C6orf89: variants seen among roughly 807,000 people sequenced by gnomAD.
The protein encoded by C6orf89 is bombesin receptor-activated protein C6orf89.
C6orf89 carries 29 observed loss-of-function variants against 40.7 expected under a neutral mutation model. That is an observed-to-expected ratio of 0.71 (90% CI 0.53 to 0.97). C6orf89 has a LOEUF of 0.97. C6orf89 is among the 50% of genes least tolerant of loss of function. The pLI is 0.00. For synonymous variants in C6orf89, 165 were observed against 152.2 expected (o/e 1.08, Z -0.62); for missense variants, 392 against 429.1 (o/e 0.91, Z 0.76).
intron 4 of C6orf89, among the ~76,000 whole-genome samples, chr6:36,904,658 AT>A (rs11359683): frequency 0.25 from 37,803 of 151,986 alleles, 4,997 homozygotes; most frequent in African/African-American, 0.31. Context: ...AAAATATATC[AT>A]TTTTTAATGT....
chr6:36,877,489 C>T (rs1774690879), intron 1 of C6orf89, among the ~76,000 whole-genome samples: 2 of 152,168 alleles, frequency 1.3e-5, no homozygotes, highest in African/African-American at 4.8e-5. Flanking sequence ...TGCCACCACA[C>T]CCAGCTAATT....
intron 4 of C6orf89, among the ~76,000 whole-genome samples, chr6:36,906,771 A>G (rs1362584538): frequency 2.0e-5 from 3 of 152,192 alleles, no homozygotes; most frequent in Non-Finnish European, 4.4e-5. Flanking sequence ...TGCCCGGGGT[A>G]CTAGAAGAGG....
At chr6:36,894,314 A>T (rs1761343366) in intron 1 of C6orf89, among the ~76,000 whole-genome samples, 190 bp from the exon 2 acceptor site, 1 of 152,126 alleles carries the variant, frequency 6.6e-6, no homozygotes, top group Admixed American at 6.5e-5. Flanking sequence ...TCCTCTACTG[A>T]GTTTTAATGG....
At chr6:36,921,990 T>G (rs912422003) in intron 8 of C6orf89, among the ~76,000 whole-genome samples, 1 of 152,206 alleles carries the variant, frequency 6.6e-6, no homozygotes, top group Non-Finnish European at 1.5e-5. Context: ...ACTGCACCGC[T>G]GCACTCCAGC....
chr6:36,894,279 C>T (rs560375148), intron 1 of C6orf89, among the ~76,000 whole-genome samples: 2 of 152,176 alleles, frequency 1.3e-5, no homozygotes, highest in African/African-American at 2.4e-5. Context: ...TTCTAGCAGT[C>T]CTTTCTGGAT....
intron 4 of C6orf89, among the ~76,000 whole-genome samples, chr6:36,910,160 T>C (rs1762074762): frequency 6.6e-6 from 1 of 152,020 alleles, no homozygotes; most frequent in African/African-American, 2.4e-5. Context: ...AGGATCTCAC[T>C]GTGTTCCCAG....
chr6:36,905,206 ATGAGGACAC>A (rs1761884458), intron 4 of C6orf89, among the ~76,000 whole-genome samples: 1 of 152,128 alleles, frequency 6.6e-6, no homozygotes, highest in Admixed American at 6.5e-5. Flanking sequence ...CATTTTACAG[ATGAGGACAC>A]TGAGGCACAG....
intron 3 of C6orf89, among the ~76,000 whole-genome samples, 195 bp from the exon 4 acceptor site, chr6:36,902,026 G>A (rs1307091993): frequency 6.6e-6 from 1 of 152,172 alleles, no homozygotes; most frequent in Non-Finnish European, 1.5e-5. Context: ...TAGCAGCTTG[G>A]TGAGCCTTGC....
chr6:36,901,614 G>C (rs1473372670), intron 3 of C6orf89, among the ~76,000 whole-genome samples: 3 of 148,232 alleles, frequency 2.0e-5, no homozygotes, highest in South Asian at 2.1e-4. Flanking sequence ...GATTACAGGC[G>C]TGAGCCACTG....
intron 4 of C6orf89, among the ~76,000 whole-genome samples, chr6:36,913,906 AT>A (rs1762218737): frequency 6.6e-6 from 1 of 152,016 alleles, no homozygotes; most frequent in Admixed American, 6.6e-5. Flanking sequence ...TGCGCCTGTA[AT>A]CCCAGCATTT....
At chr6:36,906,401 A>G (rs1367501598) in intron 4 of C6orf89, among the ~76,000 whole-genome samples, 1 of 152,228 alleles carries the variant, frequency 6.6e-6, no homozygotes, top group Non-Finnish European at 1.5e-5. Flanking sequence ...GCAGTCACAT[A>G]AGGTAGATAC....
chr6:36,909,342 G>A (rs980597016), intron 4 of C6orf89, among the ~76,000 whole-genome samples: 2 of 151,878 alleles, frequency 1.3e-5, no homozygotes, highest in African/African-American at 2.4e-5. Flanking sequence ...CAACCAAATT[G>A]TCTTCATAAA....
intron 4 of C6orf89, among the ~76,000 whole-genome samples, chr6:36,906,011 T>G (rs1224499): frequency 0.79 from 120,032 of 152,154 alleles, 48,393 homozygotes; most frequent in African/African-American, 0.95. Context: ...CAATTATTTT[T>G]TTTACTTTGG....
At chr6:36,895,618 G>A (rs2150685822) in intron 2 of C6orf89, among the ~76,000 whole-genome samples, 1 of 152,288 alleles carries the variant, frequency 6.6e-6, no homozygotes, top group East Asian at 1.9e-4. Flanking sequence ...TTTCGTGACT[G>A]TCTTCTTTCA....
intron 1 of C6orf89, 21 bp downstream of exon 1, chr6:36,886,049 G>A: frequency 2.4e-6 from 3 of 1,235,856 alleles, no homozygotes; most frequent in Non-Finnish European, 3.0e-6. Flanking sequence ...GGGGCCCGAG[G>A]CTGGGTGGGG....
chr6:36,890,864 A>G (rs1047725212), intron 1 of C6orf89, among the ~76,000 whole-genome samples: 1 of 152,110 alleles, frequency 6.6e-6, no homozygotes, highest in African/African-American at 2.4e-5. Flanking sequence ...AATTTTAAGC[A>G]TTTATTGTAG....
rs1220683616 is a variant in C6orf89 at position 36,923,409 on chromosome 6, A to C, written c.1012A>C (p.Ile338Leu). 1 of 1,614,168 alleles carries C rather than the reference A, an allele frequency of 6.2e-7. No homozygotes were observed. Residue 338 changes from isoleucine to leucine, a missense_variant, in exon 9 of 9, where the codon ATC becomes CTC. Coordinates refer to ENST00000480824, the MANE Select transcript of C6orf89 (RefSeq NM_001286635.2). The stretch of plus-strand genomic sequence containing the variant: ...AGCCAGAGGGGTCCAGCCTTTGGTC[A>C]TCTGCGATGGAACCGCTTTCTCAGA... ...VIARGVQPLV[I>L]CDGTAFSEL
intron 3 of C6orf89, among the ~76,000 whole-genome samples, chr6:36,901,173 G>T (rs1281807701): frequency 2.6e-5 from 4 of 151,054 alleles, no homozygotes; most frequent in African/African-American, 7.3e-5. Context: ...GTAGAGGTGG[G>T]GTTTCACCAT....
intron 1 of C6orf89, among the ~76,000 whole-genome samples, chr6:36,872,269 G>C (rs1417846673): frequency 6.6e-6 from 1 of 151,850 alleles, no homozygotes; most frequent in African/African-American, 2.4e-5. Flanking sequence ...TAAAATATCA[G>C]GAGTTCATAT....
Sources: gnomAD v4.1 joint callset for allele counts (sites outside exome capture counted in the v4.1 genomes callset) on GRCh38, gnomAD v4.1.1 for gene constraint, MANE v1.5 for transcripts, NCBI Gene and HGNC (gene_info 2026-07-23, HGNC 2026-07-21) for gene names.